Variants in DMXL2 observed in about 807,000 individuals in gnomAD.
DMXL2 encodes dmX-like protein 2.
DMXL2 carries 103 observed loss-of-function variants against 331.1 expected under a neutral mutation model. That is an observed-to-expected ratio of 0.31 (90% CI 0.27 to 0.37). DMXL2 has a LOEUF of 0.37. Among genes scored for constraint, DMXL2 ranks in the 10% least tolerant of loss-of-function variants. DMXL2 has a pLI of 1.00. For synonymous variants in DMXL2, 1,281 were observed against 1,252.1 expected (o/e 1.02, Z -0.49); for missense variants, 3,171 against 3,642.9 (o/e 0.87, Z 3.33).
intron 28 of DMXL2, among the ~76,000 whole-genome samples, chr15:51,472,580 G>A (rs1376454573): frequency 2.6e-5 from 4 of 151,992 alleles, no homozygotes; most frequent in Admixed American, 6.6e-5. Flanking sequence ...TGTCTCTATG[G>A]ATTTACCTAT....
intron 2 of DMXL2, among the ~76,000 whole-genome samples, chr15:51,575,691 T>A (rs1355489450): frequency 6.6e-6 from 1 of 152,156 alleles, no homozygotes; most frequent in Non-Finnish European, 1.5e-5. Flanking sequence ...AGTTTCTTAA[T>A]AAAACTTTGA....
intron 6 of DMXL2, among the ~76,000 whole-genome samples, chr15:51,548,981 G>A (rs1334201831): frequency 6.6e-6 from 1 of 151,724 alleles, no homozygotes; most frequent in Non-Finnish European, 1.5e-5. Flanking sequence ...ATCTCCATAG[G>A]TTTTGGGGGA....
At chr15:51,470,824 C>T (rs2041032628) in intron 29 of DMXL2, among the ~76,000 whole-genome samples, 1 of 152,130 alleles carries the variant, frequency 6.6e-6, no homozygotes, top group African/African-American at 2.4e-5. Flanking sequence ...ATCATGGGGC[C>T]TCATCATGGC....
chr15:51,559,848 G>A (rs774700344), intron 6 of DMXL2, among the ~76,000 whole-genome samples: 1 of 152,166 alleles, frequency 6.6e-6, no homozygotes, highest in Non-Finnish European at 1.5e-5. Flanking sequence ...TACTATGAGA[G>A]TGTAAATTAG....
intron 19 of DMXL2, among the ~76,000 whole-genome samples, chr15:51,493,385 G>C (rs1029090437): frequency 2.0e-5 from 3 of 152,126 alleles, no homozygotes; most frequent in Non-Finnish European, 4.4e-5. Flanking sequence ...AGACATGTCA[G>C]AAGAATTAGG....
intron 25 of DMXL2, among the ~76,000 whole-genome samples, chr15:51,478,777 T>C (rs2041789328): frequency 6.6e-6 from 1 of 152,164 alleles, no homozygotes; most frequent in African/African-American, 2.4e-5. Context: ...ATCTTATCAA[T>C]GAAAATGAAT....
intron 40 of DMXL2, 102 bp downstream of exon 40, chr15:51,455,049 C>T (rs2039501893): frequency 1.1e-6 from 1 of 948,654 alleles, no homozygotes; most frequent in Non-Finnish European, 1.7e-6. Context: ...AAAAATCATC[C>T]TTTTCCCAAT....
At chr15:51,552,719 G>A (rs1231811486) in intron 6 of DMXL2, among the ~76,000 whole-genome samples, 1 of 152,088 alleles carries the variant, frequency 6.6e-6, no homozygotes, top group African/African-American at 2.4e-5. Flanking sequence ...CCTGGGATTT[G>A]ATCCTGAGTC....
At chr15:51,459,004 C>T in intron 34 of DMXL2, 1 of 545,112 alleles carries the variant, frequency 1.8e-6, no homozygotes, top group Non-Finnish European at 3.3e-6. Flanking sequence ...TGTAATCACC[C>T]CAATTTCCAC....
chr15:51,517,828 G>A (rs2047121467), intron 13 of DMXL2, among the ~76,000 whole-genome samples: 2 of 152,138 alleles, frequency 1.3e-5, no homozygotes, highest in South Asian at 2.1e-4. Context: ...ATAAGTACAA[G>A]GTAGGGAGAT....
intron 29 of DMXL2, among the ~76,000 whole-genome samples, chr15:51,467,795 T>C (rs1020310069): frequency 7.9e-5 from 12 of 152,114 alleles, no homozygotes; most frequent in East Asian, 5.8e-4. Flanking sequence ...GGCACGATCT[T>C]GGCTCACTGC....
chr15:51,564,168 C>A lies in DMXL2; in HGVS notation c.457G>T (p.Val153Phe), dbSNP rs138368622. Residue 153 changes from valine (V) to phenylalanine (F), a missense_variant, in exon 5 of 44, where the codon GTT becomes TTT. Val to Phe is a conservative substitution (Grantham distance 50, BLOSUM62 -1). Around this residue, in one of 7 missense-constraint regions of DMXL2, gnomAD observed 1,674 missense variants for 1,780.2 expected, o/e 0.94. Transcript: ENST00000560891. ...LEEEEEIDNT[V>F]PPVLNDWKCV... The stretch of plus-strand genomic sequence containing the variant: ...TTCCAATCATTTAAAACAGGAGGAA[C>A]TGTATTATCAATTTCTTCCTCCTCT... 8.2e-5 allele frequency: 132 copies of A among 1,606,488 alleles called. No homozygotes were observed. Among genetic ancestry groups the A allele is most frequent in the Non-Finnish European group, 1.2e-5 (14 of 1,177,064 alleles).
intron 43 of DMXL2, 73 bp downstream of exon 43, chr15:51,450,056 A>G (rs2038997699): frequency 7.4e-7 from 1 of 1,358,880 alleles, no homozygotes; most frequent in Admixed American, 2.1e-5. Flanking sequence ...CTTTATTTCA[A>G]AGAATGTGGA....
intron 1 of DMXL2, among the ~76,000 whole-genome samples, chr15:51,621,713 C>G (rs1171746519): frequency 6.6e-6 from 1 of 151,938 alleles, no homozygotes; most frequent in Non-Finnish European, 1.5e-5. Flanking sequence ...CAAACAAGCA[C>G]TGTTGTAAAT....
intron 33 of DMXL2, among the ~76,000 whole-genome samples, chr15:51,460,940 T>A (rs2140247158): frequency 6.6e-6 from 1 of 152,346 alleles, no homozygotes; most frequent in South Asian, 2.1e-4. Flanking sequence ...TCAATCATGC[T>A]AGCCACATTT....
intron 3 of DMXL2, chr15:51,568,193 A>G (rs776320790): frequency 1.2e-5 from 3 of 259,434 alleles, no homozygotes; most frequent in Non-Finnish European, 2.2e-5. Context: ...AGGAAACCAG[A>G]TATCAGATAG....
In DMXL2 at chr15:51,455,342, T is replaced by A. The variant is rs1036855461; in HGVS notation, c.8527-114A>T. ...TAAATAAACATTCTGCCTCTAACTA[T>A]GTTTCTGTTGCTGTCATTCCCAAAA... is the stretch of plus-strand genomic sequence containing the variant. On this transcript the variant is annotated intron_variant, in intron 39 of 43. Coordinates refer to ENST00000560891, the MANE Select transcript of DMXL2 (RefSeq NM_001378457.1). The A allele has an allele frequency of 9.2e-6, 8 of 874,218 alleles. No homozygotes were observed. The African/African-American group carries it at 1.4e-4, about 15-fold the overall frequency. 54.2% of individuals were successfully genotyped at this position (874,218 alleles called of 1,614,324 possible).
At chr15:51,596,913 G>T (rs1011305091) in intron 1 of DMXL2, among the ~76,000 whole-genome samples, 5 of 152,140 alleles carry the variant, frequency 3.3e-5, no homozygotes, top group African/African-American at 1.2e-4. Flanking sequence ...ACACACCGGG[G>T]CCTGTTGTGA....
chr15:51,485,115 A>G (rs2042300380), intron 23 of DMXL2, among the ~76,000 whole-genome samples: 1 of 152,072 alleles, frequency 6.6e-6, no homozygotes, highest in Non-Finnish European at 1.5e-5. Context: ...GACACTATTA[A>G]GTAAACAAAT....
Sources: allele counts gnomAD v4.1 joint callset (sites outside exome capture counted in the v4.1 genomes callset), GRCh38; gene constraint gnomAD v4.1.1; regional missense constraint gnomAD v4.1.1; transcripts MANE v1.5; gene names NCBI Gene and HGNC (gene_info 2026-07-23, HGNC 2026-07-21).